RGS12: variants seen among roughly 807,000 people sequenced by gnomAD.
RGS12 encodes the protein regulator of G protein signaling 12, also known as regulator of G-protein signaling 12.
In RGS12, 66 loss-of-function variants were observed where a neutral mutation model predicts 120.1. The ratio of observed to expected loss-of-function variants is 0.55; its 90% confidence interval spans 0.45 to 0.67. The LOEUF is 0.67. Among genes scored for constraint, RGS12 ranks in the 30% least tolerant of loss-of-function variants. RGS12 has a pLI of 0.00. For synonymous variants in RGS12, 827 were observed against 804.7 expected (o/e 1.03, Z -0.47); for missense variants, 1,859 against 1,957.7 (o/e 0.95, Z 0.95).
chr4:3,316,079 T>A lies in RGS12; in HGVS notation c.-92T>A. On this transcript the variant is annotated 5_prime_UTR_variant, in exon 2 of 18. Transcript: ENST00000336727. ...CGTTTTTCTTTCTTAGGGCACTGTT[T>A]GAAGAAGCAAACATGGTAGCATCAA... 1 of 1,355,338 alleles carries A rather than the reference T, an allele frequency of 7.4e-7. No homozygotes were observed. The highest frequency in any genetic ancestry group is 1.5e-5 in the African/African-American group (1 of 68,210). 84.0% of individuals were successfully genotyped at this position (1,355,338 alleles called of 1,614,324 possible).
At chr4:3,368,795 G>C (rs1716660517) in intron 3 of RGS12, among the ~76,000 whole-genome samples, 1 of 151,698 alleles carries the variant, frequency 6.6e-6, no homozygotes, top group Non-Finnish European at 1.5e-5. Context: ...CGGGAAGGCA[G>C]GGGACGAGGA....
chr4:3,385,677 AACTTG>A, intron 3 of RGS12: 2 of 153,130 alleles, frequency 1.3e-5, no homozygotes, highest in East Asian at 3.8e-4. Context: ...CCTCCTTCAT[AACTTG>A]ACTTGTCTGT....
intron 1 of RGS12, among the ~76,000 whole-genome samples, chr4:3,311,038 T>C (rs969235475): frequency 2.6e-5 from 4 of 152,220 alleles, no homozygotes; most frequent in African/African-American, 9.6e-5. Flanking sequence ...TAGGATGACA[T>C]GCGCTGCACA....
In RGS12 at chr4:3,390,319, G is replaced by T. The variant is rs1719352473; in HGVS notation, c.2020+3882G>T. Among the ~76,000 whole-genome samples, 1 of 152,186 alleles carries T rather than the reference G, an allele frequency of 6.6e-6. No homozygotes were observed. The highest frequency in any genetic ancestry group is 1.5e-5 in the Non-Finnish European group (1 of 68,032). On this transcript the variant is annotated intron_variant, in intron 4 of 17. Transcript: ENST00000336727. The surrounding 1 kb of genome is among the most constrained non-coding windows in gnomAD (Gnocchi z 4.6). The stretch of plus-strand genomic sequence containing the variant: ...GTTGGTGCTTTTGTCCCCCCAGCTG[G>T]TGTGACCTCCACGTGGCAGGTCAGA...
chr4:3,390,052 C>A lies in RGS12; in HGVS notation c.2020+3615C>A, dbSNP rs1719319617. Among the ~76,000 whole-genome samples, 1 of 152,224 alleles carries A rather than the reference C, an allele frequency of 6.6e-6. No individual in the cohort carries two copies. The highest frequency in any genetic ancestry group is 2.4e-5 in the African/African-American group (1 of 41,450). On this transcript the variant is annotated intron_variant, in intron 4 of 17. Coordinates refer to ENST00000336727, the MANE Select transcript of RGS12 (RefSeq NM_001394154.1). This position sits in a 1 kb window ranked among gnomAD's most constrained non-coding sequence, Gnocchi z 4.6. ...TCCTCCCGCTCCCTTCTCCTGAACG[C>A]TGGTGGTTGCCCCCACAGCAGCAGC...
chr4:3,310,049 T>G (rs55797248), intron 1 of RGS12, among the ~76,000 whole-genome samples: 114 of 125,878 alleles, frequency 9.1e-4, no homozygotes, highest in Non-Finnish European at 1.2e-3. Flanking sequence ...GCAGGTGTCC[T>G]CTGAGGGGAA....
In RGS12 at chr4:3,389,085, G is replaced by C. The variant is rs1418023876; in HGVS notation, c.2020+2648G>C. On this transcript the variant is annotated intron_variant, in intron 4 of 17. Transcript: ENST00000336727. The surrounding 1 kb of genome is among the most constrained non-coding windows in gnomAD (Gnocchi z 5.2). ...TCATGCCACGGTTTCATTCTGTGAC[G>C]CGTATCGTGCTTTTATAGCTTAGGC... Among the ~76,000 whole-genome samples, 2 of 152,208 alleles carry C rather than the reference G, an allele frequency of 1.3e-5. No individual in the cohort carries two copies. The highest frequency in any genetic ancestry group is 2.9e-5 in the Non-Finnish European group (2 of 68,040).
At chr4:3,295,938 G>C (rs150580740) in intron 1 of RGS12, among the ~76,000 whole-genome samples, 1,612 of 152,264 alleles carry the variant, frequency 0.011, 21 homozygotes, top group Middle Eastern at 0.034. Flanking sequence ...AAGTTTATTT[G>C]CCCTAGTTGG....
chr4:3,310,363 G>T (rs566866802), intron 1 of RGS12, among the ~76,000 whole-genome samples: 216 of 152,318 alleles, frequency 1.4e-3, no homozygotes, highest in South Asian at 5.0e-3. Context: ...GGAAGGCCAA[G>T]GCAAGGGCTG....
chr4:3,364,383 G>C (rs1474287109), intron 3 of RGS12, among the ~76,000 whole-genome samples: 1 of 152,188 alleles, frequency 6.6e-6, no homozygotes, highest in African/African-American at 2.4e-5. Context: ...GCCCTGGCAG[G>C]GTGGGTGTAT....
intron 1 of RGS12, among the ~76,000 whole-genome samples, chr4:3,295,155 G>C (rs769323191): frequency 6.6e-6 from 1 of 152,144 alleles, no homozygotes; most frequent in Non-Finnish European, 1.5e-5. Flanking sequence ...GAGGTGGTGA[G>C]GGCCCAGAGG....
Position 3,316,933 on chromosome 4 carries a change from A to C in RGS12, c.763A>C (p.Ile255Leu). Residue 255 changes from isoleucine (I) to leucine (L), a missense_variant, in exon 2 of 18, where the codon ATC becomes CTC. By Grantham distance (5) the Ile-to-Leu change is conservative (BLOSUM62 2). Transcript: ENST00000336727. The part of the protein sequence containing the change: ...SNLESDSLQA[I>L]RGCMRRLRAE... ...CCTGGAGTCCGACAGCTTGCAAGCC[A>C]TCCGCGGCTGCATGCGGCGCCTGCG... 6.2e-7 allele frequency: 1 copy of C among 1,613,946 alleles called. No individual in the cohort carries two copies. The highest frequency in any genetic ancestry group is 8.5e-7 in the Non-Finnish European group (1 of 1,180,048).
chr4:3,439,354 C>G lies in RGS12; in HGVS notation c.4115-101C>G. ...ATGTGTTTGGGATATTTCAGGGACCCCTACCATGCTGTCTGTGCAGGGGCC... is the reference window on the plus strand; with the variant it reads ...ATGTGTTTGGGATATTTCAGGGACCGCTACCATGCTGTCTGTGCAGGGGCC... On this transcript the variant is annotated intron_variant, in intron 17 of 17. Transcript: ENST00000336727. 16 of 1,175,372 alleles carry G rather than the reference C, an allele frequency of 1.4e-5. No individual in the cohort carries two copies. In the South Asian group the frequency reaches 2.0e-4, roughly 15 times the overall value. The allele number at this position is 1,175,372 out of a possible 1,614,324, so 72.8% of individuals were successfully genotyped here.
intron 1 of RGS12, among the ~76,000 whole-genome samples, chr4:3,301,031 T>C (rs1403188275): frequency 6.6e-6 from 1 of 152,142 alleles, no homozygotes; most frequent in Non-Finnish European, 1.5e-5. Context: ...CCTCCCCGGC[T>C]GCCCTCCTCT....
At chr4:3,313,203 A>G (rs1398185706) in intron 1 of RGS12, 2 of 152,270 alleles carry the variant, frequency 1.3e-5, no homozygotes, top group African/African-American at 2.4e-5. Flanking sequence ...GTCCATCATT[A>G]TGTCACACAG....
intron 17 of RGS12, among the ~76,000 whole-genome samples, chr4:3,437,329 C>T (rs1457311117): frequency 6.6e-6 from 1 of 152,172 alleles, no homozygotes; most frequent in Non-Finnish European, 1.5e-5. Flanking sequence ...TCCTGGGGCC[C>T]TCAGGGGCCT....
Position 3,386,138 on chromosome 4 carries a change from C to T in RGS12, c.1999-278C>T, listed in dbSNP as rs114150557. On this transcript the variant is annotated intron_variant, in intron 3 of 17. Coordinates refer to ENST00000336727, the MANE Select transcript of RGS12 (RefSeq NM_001394154.1). ...AAGTTTGTGAAGTTGGTTTCATTGACGCTGTTACTAAGACTGTAATGTCAG... is the reference window on the plus strand; with the variant it reads ...AAGTTTGTGAAGTTGGTTTCATTGATGCTGTTACTAAGACTGTAATGTCAG... 824 of 487,450 alleles carry T rather than the reference C, an allele frequency of 1.7e-3. 5 individuals are homozygous for T. The highest frequency in any genetic ancestry group is 2.3e-3 in the South Asian group (72 of 31,446). 30.2% of individuals were successfully genotyped at this position (487,450 alleles called of 1,614,324 possible).
chr4:3,299,913 G>A (rs1377877296), intron 1 of RGS12, among the ~76,000 whole-genome samples: 1 of 152,182 alleles, frequency 6.6e-6, no homozygotes, highest in Non-Finnish European at 1.5e-5. Flanking sequence ...TGCTAGGCTG[G>A]GTCTCCTCCA....
Position 3,317,163 on chromosome 4 carries a change from C to T in RGS12, c.993C>T (p.Gly331=), listed in dbSNP as rs772508065. Residue 331 remains glycine, a synonymous_variant, in exon 2 of 18, where the codon GGC becomes GGT. Coordinates refer to ENST00000336727, the MANE Select transcript of RGS12 (RefSeq NM_001394154.1). ...DDGSLAQEEE[G]ALRTSCHVFM... Reference sequence around the variant, plus strand: ...GGAGCCTGGCCCAGGAGGAGGAGGGCGCCCTGCGGACTTCCTGCCACGTGT... The same window carrying T: ...GGAGCCTGGCCCAGGAGGAGGAGGGTGCCCTGCGGACTTCCTGCCACGTGT... The T allele has an allele frequency of 1.7e-5, 28 of 1,612,970 alleles. No individual in the cohort carries two copies. The highest frequency in any genetic ancestry group is 6.6e-5 in the South Asian group (6 of 90,936).
Sources: gnomAD v4.1 joint callset for allele counts (sites outside exome capture counted in the v4.1 genomes callset) on GRCh38, gnomAD v4.1.1 for gene constraint, Gnocchi (gnomAD v3.1) non-coding constraint, MANE v1.5 for transcripts, NCBI Gene and HGNC (gene_info 2026-07-23, HGNC 2026-07-21) for gene names.